Variants in DHPS observed in about 807,000 individuals in gnomAD.
DHPS encodes the protein migration-inducing gene 13.
Under a neutral mutation model 38.7 loss-of-function variants are expected in DHPS, and 24 were observed. That is an observed-to-expected ratio of 0.62 (90% CI 0.45 to 0.87). The LOEUF is 0.87. Ranked by LOEUF, DHPS falls within the 40% of genes least tolerant of loss-of-function variation. DHPS has a pLI of 0.00. For missense variants in DHPS, 510 were observed against 497.6 expected (o/e 1.02, Z -0.24); for synonymous variants, 250 against 204.4 (o/e 1.22, Z -1.90).
At position 12,676,458 on chromosome 19, in the gene DHPS, G is replaced by C; in HGVS notation, c.889-316C>G. 7 of 343,896 alleles carry C rather than the reference G, an allele frequency of 2.0e-5. No homozygotes were observed. The South Asian group carries it at 2.2e-4, about 11-fold the overall frequency. 21.3% of individuals were successfully genotyped at this position (343,896 alleles called of 1,614,324 possible). A position where few individuals can be genotyped will look rare whatever the true frequency, so the allele number is the denominator to read the frequency against. ...CCGCCTGCCTCCTGATCCCTGCATG[G>C]TCACCACTGTCCTGGACTGGAGTTC... On this transcript the variant is annotated intron_variant, in intron 7 of 8. Coordinates refer to ENST00000210060, the MANE Select transcript of DHPS (RefSeq NM_001930.4).
At chr19:12,676,994 G>T in intron 7 of DHPS, 114 bp downstream of exon 7, 2 of 948,170 alleles carry the variant, frequency 2.1e-6, no homozygotes, top group Non-Finnish European at 3.3e-6. Flanking sequence ...TAGAACATCA[G>T]TCCCGGGGAG....
chr19:12,673,360 A>T, downstream of DHPS: 1 of 1,428,240 alleles, frequency 7.0e-7, no homozygotes, highest in Non-Finnish European at 9.7e-7. Context: ...TGCCTGCCCC[A>T]TCTCAGCCCT....
In DHPS at chr19:12,676,190, G is replaced by A. The variant is rs552828869; in HGVS notation, c.889-48C>T. On this transcript the variant is annotated intron_variant, in intron 7 of 8. Coordinates refer to ENST00000210060, the MANE Select transcript of DHPS (RefSeq NM_001930.4). ...TGGGCCCAGTCAGCCAGTCACAGGAGACAGACACAGAGGGAGGACACCGTA... is the reference window on the plus strand; with the variant it reads ...TGGGCCCAGTCAGCCAGTCACAGGAAACAGACACAGAGGGAGGACACCGTA... The A allele has an allele frequency of 5.6e-4, 872 of 1,564,566 alleles. 10 individuals carry two copies. The South Asian group carries it at 8.5e-3, about 15-fold the overall frequency.
chr19:12,677,040 C>T, intron 7 of DHPS, 68 bp downstream of exon 7: 3 of 1,443,284 alleles, frequency 2.1e-6, no homozygotes, highest in South Asian at 2.3e-5. Context: ...TGCTGTCTAC[C>T]CAGCACATGG....
At chr19:12,676,697 T>C in intron 7 of DHPS, 1 of 260,636 alleles carries the variant, frequency 3.8e-6, no homozygotes, top group South Asian at 4.3e-5. Flanking sequence ...CCTGGATTAC[T>C]TCAGGCGCCC....
intron 6 of DHPS, 33 bp downstream of exon 6, chr19:12,677,258 C>T: frequency 6.2e-7 from 1 of 1,613,958 alleles, no homozygotes; most frequent in Non-Finnish European, 8.5e-7. Context: ...GCCAGCCCTC[C>T]TTCCCCTCTC....
At chr19:12,675,520 C>T (rs763089737), downstream of DHPS, 1 of 1,603,606 alleles carries the variant, frequency 6.2e-7, no homozygotes, top group Non-Finnish European at 8.5e-7. Context: ...CCTCGCTCCA[C>T]AGGGTGCGCT....
chr19:12,677,201 G>A lies in DHPS; in HGVS notation c.795C>T (p.Leu265=). 1.2e-6 allele frequency: 2 copies of A among 1,614,218 alleles called. No individual in the cohort carries two copies. Among genetic ancestry groups the A allele is most frequent in the South Asian group, 1.1e-5 (1 of 91,076 alleles). Residue 265 remains leucine, a synonymous_variant, in exon 7 of 9, where the codon CTC becomes CTT. Coordinates refer to ENST00000210060, the MANE Select transcript of DHPS (RefSeq NM_001930.4). ...LVLDIVEDLR[L]INTQAIFAKC... is the part of the protein sequence containing the mutation. ...TGGCAAAGATGGCCTGTGTGTTGAT[G>A]AGCCTCAGGTCTGGGGGAAGAGCGC...
chr19:12,677,712 T>A lies in DHPS; in HGVS notation c.679-316A>T, dbSNP rs748739014. Among the ~76,000 whole-genome samples the A allele has an allele frequency of 5.3e-5, 8 of 152,238 alleles. No individual in the cohort carries two copies. In the South Asian group the frequency reaches 8.3e-4, roughly 16 times the overall value. On this transcript the variant is annotated intron_variant, in intron 5 of 8. Coordinates refer to ENST00000210060, the MANE Select transcript of DHPS (RefSeq NM_001930.4). ...GTGCAATGGCACTATCTCAGCTCACTGCAACCTCTGCCTCCTGGGTTCCAG... is the reference window on the plus strand; with the variant it reads ...GTGCAATGGCACTATCTCAGCTCACAGCAACCTCTGCCTCCTGGGTTCCAG...
intron 3 of DHPS, 34 bp from the exon 4 acceptor site, chr19:12,679,753 A>G: frequency 6.2e-7 from 1 of 1,614,168 alleles, no homozygotes; most frequent in Non-Finnish European, 8.5e-7. Context: ...ATCAGGCCCC[A>G]GGACCCTTGG....
At chr19:12,681,393 C>T in intron 1 of DHPS, 167 bp downstream of exon 1, 1 of 1,041,906 alleles carries the variant, frequency 9.6e-7, no homozygotes, top group Non-Finnish European at 1.4e-6. Context: ...AATCCCCTTC[C>T]CAGGACAGAA....
Position 12,677,330 on chromosome 19 carries a change from A to C in DHPS, c.745T>G (p.Ser249Ala). 6.2e-7 allele frequency: 1 copy of C among 1,614,166 alleles called. No homozygotes were observed. The highest frequency in any genetic ancestry group is 8.5e-7 in the Non-Finnish European group (1 of 1,180,042). Residue 249 changes from serine to alanine, a missense_variant, in exon 6 of 9, where the codon TCC (serine) becomes GCC (alanine). Ser to Ala is a moderately conservative substitution (Grantham distance 99). Coordinates refer to ENST00000210060, the MANE Select transcript of DHPS (RefSeq NM_001930.4). ...GSLGDMIFFH[S>A]YKNPGLVLDI... is the part of the protein sequence containing the mutation. The stretch of plus-strand genomic sequence containing the variant: ...AGGACCAGGCCCGGGTTCTTGTAGG[A>C]ATGGAAGAAGATCATGTCGCCCAGC...
intron 5 of DHPS, among the ~76,000 whole-genome samples, chr19:12,678,422 G>C (rs1275494952): frequency 6.6e-6 from 1 of 151,970 alleles, no homozygotes; most frequent in African/African-American, 2.4e-5. Context: ...AGCCATTATT[G>C]TGCCATTGCA....
chr19:12,681,157 G>A (rs2024796840), intron 1 of DHPS: 2 of 1,278,014 alleles, frequency 1.6e-6, no homozygotes, highest in African/African-American at 1.5e-5. Context: ...AGGAATCAGA[G>A]AGCATCTCCT....
intron 1 of DHPS, 53 bp downstream of exon 1, chr19:12,681,507 G>C: frequency 6.3e-7 from 1 of 1,598,820 alleles, no homozygotes; most frequent in South Asian, 1.1e-5. Context: ...GTACCGCGTT[G>C]GTTCTACAAG....
At chr19:12,673,402 G>A (rs1015048838), downstream of DHPS, 3 of 631,120 alleles carry the variant, frequency 4.8e-6, no homozygotes, top group East Asian at 3.2e-5. Flanking sequence ...GGGCCTGAAG[G>A]CTAGGATCTT....
At chr19:12,681,170 C>A in intron 1 of DHPS, 1 of 1,263,404 alleles carries the variant, frequency 7.9e-7, no homozygotes, top group Non-Finnish European at 1.0e-6. Flanking sequence ...CATCTCCTTT[C>A]AGATCCGGTC....
intron 1 of DHPS, chr19:12,681,358 C>A (rs1818273386): frequency 2.1e-5 from 21 of 993,406 alleles, no homozygotes; most frequent in Non-Finnish European, 2.9e-5. Context: ...GGTTACCGTA[C>A]CAGCATGTAA....
At chr19:12,674,890 T>C (rs985170533), downstream of DHPS, among the ~76,000 whole-genome samples, 1 of 132,388 alleles carries the variant, frequency 7.6e-6, no homozygotes, top group African/African-American at 2.9e-5. Flanking sequence ...CCGAGGGGGG[T>C]GGATCACGAG....
Sources: gnomAD v4.1 joint callset for allele counts (sites outside exome capture counted in the v4.1 genomes callset) on GRCh38, gnomAD v4.1.1 for gene constraint, MANE v1.5 for transcripts, NCBI Gene and HGNC (gene_info 2026-07-23, HGNC 2026-07-21) for gene names.